The following MFF variants were observed in gnomAD, a reference collection of about 807,000 sequenced individuals.
MFF encodes the protein mitochondrial fission factor.
A neutral mutation model predicts 36.9 loss-of-function variants in MFF; 12 were observed. The ratio of observed to expected loss-of-function variants is 0.33; its 90% confidence interval spans 0.21 to 0.53. The LOEUF (loss-of-function observed/expected upper bound fraction) is 0.53. MFF is among the 20% of genes least tolerant of loss of function. The pLI, the probability that MFF is intolerant of heterozygous loss-of-function variation, is 0.95. For synonymous variants in MFF, 99 were observed against 126.2 expected, an observed-to-expected ratio of 0.78 and a Z score of 1.44; for missense variants, 348 against 366.6, an observed-to-expected ratio of 0.95 and a Z score of 0.42.
chr2:227,355,103 A>G (rs1326910745), intron 7 of MFF, among the ~76,000 whole-genome samples: 3 of 152,172 alleles, frequency 2.0e-5, no homozygotes, highest in Admixed American at 6.5e-5. Flanking sequence ...GGAGGTTGCA[A>G]TGAGCCGAGA....
At chr2:227,356,451 C>T (rs1276371747) in intron 8 of MFF, among the ~76,000 whole-genome samples, 3 of 152,108 alleles carry the variant, frequency 2.0e-5, no homozygotes, top group Non-Finnish European at 4.4e-5. Context: ...GGGAATTAGC[C>T]TTCAGGCCTG....
At chr2:227,349,336 A>C (rs1429449428) in intron 6 of MFF, among the ~76,000 whole-genome samples, 1 of 152,132 alleles carries the variant, frequency 6.6e-6, no homozygotes, top group Non-Finnish European at 1.5e-5. Flanking sequence ...AAATCGTATT[A>C]GTATAAACTT....
intron 6 of MFF, among the ~76,000 whole-genome samples, chr2:227,350,459 C>T (rs1298298140): frequency 6.6e-6 from 1 of 151,974 alleles, no homozygotes; most frequent in Non-Finnish European, 1.5e-5. Context: ...TATTTTTATG[C>T]AGTTTTTCCT....
In MFF at chr2:227,352,502, A is replaced by C. The variant is rs189061423; in HGVS notation, c.600-12A>C. The C allele has an allele frequency of 3.8e-4, 620 of 1,613,266 alleles. 5 individuals carry two copies. The highest frequency in any genetic ancestry group is 2.1e-3 in the South Asian group (193 of 91,030). ...TCTGTCTTGTGCCTTCTCCCGCAAA[A>C]ACCTGCCTTAGACCTGTGTTGCGTG... On this transcript the variant is annotated splice_polypyrimidine_tract_variant and intron_variant, in intron 6 of 8. Coordinates refer to ENST00000304593, the MANE Select transcript of MFF (RefSeq NM_001277062.2).
intron 1 of MFF, 145 bp from the exon 2 acceptor site, chr2:227,328,533 T>G (rs2074342387): frequency 6.6e-6 from 1 of 152,168 alleles, no homozygotes; most frequent in Non-Finnish European, 1.5e-5. Context: ...TAAGCTTAAT[T>G]TTTTTCTTTC....
intron 4 of MFF, among the ~76,000 whole-genome samples, chr2:227,333,667 T>C (rs2074769603): frequency 6.6e-6 from 1 of 151,998 alleles, no homozygotes; most frequent in East Asian, 1.9e-4. Flanking sequence ...TAGCAGAAAA[T>C]AATGAAAGTT....
intron 3 of MFF, 85 bp downstream of exon 3, chr2:227,330,931 AT>A: frequency 8.6e-7 from 1 of 1,156,280 alleles, no homozygotes. Context: ...TCTAAATGTT[AT>A]TTAGAAAAGG....
At chr2:227,339,146 G>T (rs138365406) in intron 4 of MFF, among the ~76,000 whole-genome samples, 88 of 149,718 alleles carry the variant, frequency 5.9e-4, no homozygotes, top group African/African-American at 2.1e-3. Flanking sequence ...AGGCTGCAAC[G>T]AGCCATGAGC....
At chr2:227,353,717 A>G (rs190449399) in intron 7 of MFF, among the ~76,000 whole-genome samples, 19 of 152,334 alleles carry the variant, frequency 1.2e-4, no homozygotes, top group Non-Finnish European at 2.2e-4. Context: ...ATTGAAGTAT[A>G]TAGGTAAAAT....
At chr2:227,343,285 G>A (rs1425233243) in intron 5 of MFF, among the ~76,000 whole-genome samples, 1 of 151,850 alleles carries the variant, frequency 6.6e-6, no homozygotes, top group Admixed American at 6.6e-5. Flanking sequence ...TGAAAACGAT[G>A]CTTGGAAGCA....
chr2:227,331,957 G>T (rs2074603164), intron 3 of MFF, among the ~76,000 whole-genome samples: 1 of 107,634 alleles, frequency 9.3e-6, no homozygotes, highest in Non-Finnish European at 1.9e-5. Flanking sequence ...TACGCTGGAA[G>T]CATTTTTTTT....
chr2:227,347,164 G>C (rs2075758500), intron 5 of MFF, 62 bp from the exon 6 acceptor site: 1 of 1,483,454 alleles, frequency 6.7e-7, no homozygotes, highest in Non-Finnish European at 9.4e-7. Context: ...CTGCTCAGCT[G>C]AAGTTTTATA....
chr2:227,354,426 T>G (rs1348929842), intron 7 of MFF, among the ~76,000 whole-genome samples: 2 of 152,210 alleles, frequency 1.3e-5, no homozygotes, highest in African/African-American at 2.4e-5. Flanking sequence ...AACTTTTAAT[T>G]TAGTTTATTT....
At chr2:227,336,202 G>GT (rs1321598582) in intron 4 of MFF, among the ~76,000 whole-genome samples, 2 of 152,212 alleles carry the variant, frequency 1.3e-5, no homozygotes, top group Non-Finnish European at 2.9e-5. Context: ...AGTCAAAGAT[G>GT]TGGACTCTGC....
intron 6 of MFF, among the ~76,000 whole-genome samples, chr2:227,351,476 C>T: frequency 6.6e-6 from 1 of 151,860 alleles, no homozygotes; most frequent in East Asian, 1.9e-4. Flanking sequence ...TAAACATTTA[C>T]CATTATATAA....
In MFF at chr2:227,330,652, C is replaced by T; in HGVS notation, c.-14C>T. On this transcript the variant is annotated 5_prime_UTR_variant, in exon 3 of 9. Transcript: ENST00000304593. ...GTGAGCAGGGCAGCATTTCCTTCTC[C>T]CACTGCTGCTGAGATGGCAGAAATT... is the stretch of plus-strand genomic sequence containing the variant. 6.2e-7 allele frequency: 1 copy of T among 1,613,808 alleles called. No homozygotes were observed. The highest frequency in any genetic ancestry group is 8.5e-7 in the Non-Finnish European group (1 of 1,179,726).
At chr2:227,330,061 TAGG>T (rs1385923640) in intron 2 of MFF, 3 of 262,364 alleles carry the variant, frequency 1.1e-5, no homozygotes, top group Non-Finnish European at 1.4e-5. Flanking sequence ...TCTCAGTCAT[TAGG>T]AGAAGTTTTA....
Position 227,352,511 on chromosome 2 carries a change from T to C in MFF, c.600-3T>C, listed in dbSNP as rs1417570698. The C allele has an allele frequency of 6.2e-7, 1 of 1,613,756 alleles. No individual in the cohort carries two copies. The highest frequency in any genetic ancestry group is 2.2e-5 in the East Asian group (1 of 44,880). ...TGCCTTCTCCCGCAAAAACCTGCCT[T>C]AGACCTGTGTTGCGTGGTGGGTCTG... On this transcript the variant is annotated splice_region_variant and splice_polypyrimidine_tract_variant and intron_variant, in intron 6 of 8. Transcript: ENST00000304593.
rs757803989 is a variant in MFF at position 227,330,798 on chromosome 2, C to G, written c.133C>G (p.Pro45Ala). The change falls in exon 3 of 9, where the codon CCA becomes GCA. Residue 45 changes from proline to alanine, a missense_variant. Coordinates refer to ENST00000304593, the MANE Select transcript of MFF (RefSeq NM_001277062.2). Reference sequence around the variant, plus strand: ...GGAACAAGGATTCCAAGAAGGAGTTCCAAATGCTAGTGTGATAATGCAAGT... The same window carrying G: ...GGAACAAGGATTCCAAGAAGGAGTTGCAAATGCTAGTGTGATAATGCAAGT... ...DLEQGFQEGV[P>A]NASVIMQVPE... 42 of 1,614,194 alleles carry G rather than the reference C, an allele frequency of 2.6e-5. No homozygotes were observed. Among genetic ancestry groups the G allele is most frequent in the Non-Finnish European group, 3.5e-5 (41 of 1,180,010 alleles).
Sources: gnomAD v4.1 joint callset for allele counts (sites outside exome capture counted in the v4.1 genomes callset) on GRCh38, gnomAD v4.1.1 for gene constraint, MANE v1.5 for transcripts, NCBI Gene and HGNC (gene_info 2026-07-23, HGNC 2026-07-21) for gene names.